ZNF558: variants seen among roughly 807,000 people sequenced by gnomAD.
ZNF558 encodes zinc finger protein 558.
A neutral mutation model predicts 37.6 loss-of-function variants in ZNF558; 23 were observed. That is an observed-to-expected ratio of 0.61 (90% confidence interval 0.44 to 0.87). ZNF558 has a LOEUF of 0.87. Among genes scored for constraint, ZNF558 ranks in the 40% least tolerant of loss-of-function variants. ZNF558 has a pLI of 0.00. For synonymous variants in ZNF558, 189 were observed against 174.4 expected (o/e 1.08, Z -0.66); for missense variants, 429 against 483.7 (o/e 0.89, Z 1.06).
At chr19:8,835,567 T>C (rs2044446641), upstream of ZNF558, among the ~76,000 whole-genome samples, 1 of 152,242 alleles carries the variant, frequency 6.6e-6, no homozygotes, top group Non-Finnish European at 1.5e-5. Flanking sequence ...GGAATTCTTA[T>C]ACATTGCTGT....
chr19:8,832,349 T>A (rs1194033421), upstream of ZNF558: 2 of 152,332 alleles, frequency 1.3e-5, no homozygotes, highest in African/African-American at 4.8e-5. Context: ...GCGCTGCACG[T>A]CCCCTTCCGG....
intron 2 of ZNF558, among the ~76,000 whole-genome samples, chr19:8,828,921 C>T (rs917168470): frequency 6.7e-6 from 1 of 149,466 alleles, no homozygotes; most frequent in African/African-American, 2.5e-5. Context: ...TGAGATCGTG[C>T]CATTGCACTC....
Position 8,831,354 on chromosome 19 carries a change from T to A in ZNF558, c.-545A>T, listed in dbSNP as rs916467434. The A allele has an allele frequency of 3.3e-5, 5 of 151,976 alleles. No homozygotes were observed. The highest frequency in any genetic ancestry group is 1.2e-4 in the African/African-American group (5 of 41,378). The allele number at this position is 151,976 out of a possible 1,614,324, so 9.4% of individuals were successfully genotyped here. A position where few individuals can be genotyped will look rare whatever the true frequency, so the allele number is the denominator to read the frequency against. ...AAAACCCACAACAACAGGTGGACCTTGTGGCAGGCTTCAACACGAATCTGA... is the reference window on the plus strand; with the variant it reads ...AAAACCCACAACAACAGGTGGACCTAGTGGCAGGCTTCAACACGAATCTGA... On this transcript the variant is annotated 5_prime_UTR_variant, in exon 2 of 10. Coordinates refer to ENST00000601372, the MANE Select transcript of ZNF558 (RefSeq NM_144693.3).
At chr19:8,821,407 G>A (rs2044086075) in intron 6 of ZNF558, 101 bp from the exon 7 acceptor site, 22 of 1,608,614 alleles carry the variant, frequency 1.4e-5, no homozygotes, top group African/African-American at 4.0e-5. Flanking sequence ...GGAAACCTGA[G>A]CACGAGATGT....
In ZNF558 at chr19:8,808,877, T is replaced by A. The variant is rs2043726214; in HGVS notation, c.*2404A>T. 2.0e-5 allele frequency: 3 copies of A among 152,206 alleles called. No individual in the cohort carries two copies. 9.4% of individuals were successfully genotyped at this position (152,206 alleles called of 1,614,324 possible). A position where few individuals can be genotyped will look rare whatever the true frequency, so the allele number is the denominator to read the frequency against. The stretch of plus-strand genomic sequence containing the variant: ...TCACTGCAACCTCTACCTCCCAGGT[T>A]CAGGCAATTCTCCTGTCTCAGTTTC... On this transcript the variant is annotated 3_prime_UTR_variant, in exon 10 of 10. Coordinates refer to ENST00000601372, the MANE Select transcript of ZNF558 (RefSeq NM_144693.3).
At chr19:8,813,041 T>C (rs1555768887) in intron 8 of ZNF558, 86 bp downstream of exon 8, 7 of 1,037,046 alleles carry the variant, frequency 6.7e-6, no homozygotes, top group Non-Finnish European at 1.5e-6. Context: ...GTTCCCTGAT[T>C]GACATGAACT....
chr19:8,812,526 T>C lies in ZNF558; in HGVS notation c.426+35A>G, dbSNP rs1555768643. On this transcript the variant is annotated intron_variant, in intron 9 of 9. Coordinates refer to ENST00000601372, the MANE Select transcript of ZNF558 (RefSeq NM_144693.3). ...TTCTAAACTTAAGGCATTCTCCTAC[T>C]GTAGAAAACCAGAAATCACCCATGT... The C allele has an allele frequency of 4.9e-6, 7 of 1,432,928 alleles. No homozygotes were observed. The Admixed American group carries it at 1.2e-4, about 25-fold the overall frequency. 88.8% of individuals were successfully genotyped at this position (1,432,928 alleles called of 1,614,324 possible).
At chr19:8,829,136 C>T (rs1260855344) in intron 2 of ZNF558, among the ~76,000 whole-genome samples, 1 of 151,776 alleles carries the variant, frequency 6.6e-6, no homozygotes, top group Non-Finnish European at 1.5e-5. Flanking sequence ...GTGGTAGGCG[C>T]CTGTAATCCC....
chr19:8,822,778 C>T lies in ZNF558; in HGVS notation c.-65-54G>A. The T allele has an allele frequency of 6.6e-7, 1 of 1,516,912 alleles. No homozygotes were observed. The highest frequency in any genetic ancestry group is 9.1e-7 in the Non-Finnish European group (1 of 1,103,678). The allele number at this position is 1,516,912 out of a possible 1,614,324, so 94.0% of individuals were successfully genotyped here. On this transcript the variant is annotated intron_variant, in intron 4 of 9. Transcript: ENST00000601372. This position sits in a 1 kb window ranked among gnomAD's most constrained non-coding sequence, Gnocchi z 4.4. ...CCGTGGCCTCCTCCCTCTCGGGCTG[C>T]TGGGGATGGGCCCTCCTCAACCCAT...
intron 2 of ZNF558, among the ~76,000 whole-genome samples, chr19:8,829,237 G>A (rs923940873): frequency 2.0e-5 from 3 of 151,286 alleles, no homozygotes; most frequent in Non-Finnish European, 4.4e-5. Flanking sequence ...TCCAGCCTGG[G>A]TAACAGAGTG....
At chr19:8,812,819 T>C (rs1568462441) in intron 8 of ZNF558, among the ~76,000 whole-genome samples, 176 bp from the exon 9 acceptor site, 1 of 152,190 alleles carries the variant, frequency 6.6e-6, no homozygotes, top group Admixed American at 6.5e-5. Context: ...CAAATTGAGA[T>C]TGATCACAGA....
intron 2 of ZNF558, among the ~76,000 whole-genome samples, chr19:8,827,672 C>T (rs2044263960): frequency 6.9e-6 from 1 of 145,572 alleles, no homozygotes; most frequent in African/African-American, 2.5e-5. Flanking sequence ...CTCCCAGGTT[C>T]AAGCAATTCT....
At position 8,811,271 on chromosome 19, in the gene ZNF558, CTG is replaced by C. The variant is rs2043780457; in HGVS notation, c.*8_*9del. 1 of 1,542,302 alleles carries C rather than the reference CTG, an allele frequency of 6.5e-7. No homozygotes were observed. The highest frequency in any genetic ancestry group is 8.7e-7 in the Non-Finnish European group (1 of 1,147,302). ...AATGAGTGCTTTCCTCCAGAAGTTC[CTG>C]CAGTAATTCATATCCATCTATTATG... On this transcript the variant is annotated 3_prime_UTR_variant, in exon 10 of 10. Transcript: ENST00000601372.
intron 6 of ZNF558, chr19:8,821,530 C>CA (rs2044090695): frequency 7.0e-7 from 1 of 1,433,058 alleles, no homozygotes; most frequent in African/African-American, 1.4e-5. Flanking sequence ...GCTCAGCCCT[C>CA]AATGCTTGTC....
rs1397272011 is a variant in ZNF558, at chr19:8,811,241, A to T, written c.*40T>A. On this transcript the variant is annotated 3_prime_UTR_variant, in exon 10 of 10. Transcript: ENST00000601372. The stretch of plus-strand genomic sequence containing the variant: ...TCTCTCAAACTATCTTAGGGATGAA[A>T]GATCAATGAGTGCTTTCCTCCAGAA... 7.9e-6 allele frequency: 12 copies of T among 1,514,408 alleles called. No homozygotes were observed. The East Asian group carries it at 1.8e-4, about 23-fold the overall frequency. 93.8% of individuals were successfully genotyped at this position (1,514,408 alleles called of 1,614,324 possible). A position where few individuals can be genotyped will look rare whatever the true frequency, so the allele number is the denominator to read the frequency against.
chr19:8,814,200 T>A (rs1190488972), intron 7 of ZNF558, among the ~76,000 whole-genome samples: 1 of 152,206 alleles, frequency 6.6e-6, no homozygotes, highest in Non-Finnish European at 1.5e-5. Flanking sequence ...TTCCCCTGCT[T>A]TTTCTACAAC....
chr19:8,819,302 T>A (rs1599269918), intron 7 of ZNF558, among the ~76,000 whole-genome samples: 2 of 152,256 alleles, frequency 1.3e-5, no homozygotes, highest in Admixed American at 1.3e-4. Flanking sequence ...TGCCTCAGCC[T>A]CCCGAGTAGG....
rs138492386 is a variant in ZNF558 at position 8,830,077 on chromosome 19, T to C, written c.-509+1241A>G. Among the ~76,000 whole-genome samples, 212 of 152,256 alleles carry C rather than the reference T, an allele frequency of 1.4e-3. 4 individuals carry two copies. In the East Asian group the frequency reaches 0.034, roughly 24 times the overall value. ...AGGTGACTGAATCATGGGGGCGGAC[T>C]TCCCCCTTGCTGTTCTCCTGATAGT... is the stretch of plus-strand genomic sequence containing the variant. On this transcript the variant is annotated intron_variant, in intron 2 of 9. Coordinates refer to ENST00000601372, the MANE Select transcript of ZNF558 (RefSeq NM_144693.3).
upstream of ZNF558, among the ~76,000 whole-genome samples, chr19:8,836,888 T>C (rs572148154): frequency 6.6e-5 from 10 of 152,296 alleles, no homozygotes; most frequent in South Asian, 1.9e-3. Context: ...TGGGCTCATA[T>C]CATTATTACA....
Sources: allele counts gnomAD v4.1 joint callset (sites outside exome capture counted in the v4.1 genomes callset), GRCh38; gene constraint gnomAD v4.1.1; non-coding constraint Gnocchi (gnomAD v3.1); transcripts MANE v1.5; gene names NCBI Gene and HGNC (gene_info 2026-07-23, HGNC 2026-07-21).